Variants in LVRN observed in about 807,000 individuals in gnomAD.
The protein encoded by LVRN is laeverin, also known as aminopeptidase Q.
Under a neutral mutation model 111.4 loss-of-function variants are expected in LVRN, and 99 were observed. That is an observed-to-expected ratio of 0.89 (90% CI 0.76 to 1.05). The LOEUF (loss-of-function observed/expected upper bound fraction) is 1.05. Ranked by LOEUF, LVRN falls within the 50% of genes least tolerant of loss-of-function variation. LVRN has a pLI of 0.00. For synonymous variants in LVRN, 488 were observed against 449.5 expected (o/e 1.09, Z -1.08); for missense variants, 1,414 against 1,206.8 (o/e 1.17, Z -2.54).
At chr5:116,022,133 A>G (rs1748743227) in intron 18 of LVRN, 1 of 314,596 alleles carries the variant, frequency 3.2e-6, no homozygotes, top group East Asian at 7.0e-5. Context: ...CCTCATTTTA[A>G]AAGACAATTG....
In LVRN at chr5:115,983,349, A is replaced by G; in HGVS notation, c.758A>G (p.Glu253Gly). 6.2e-7 allele frequency: 1 copy of G among 1,612,010 alleles called. No individual in the cohort carries two copies. Among genetic ancestry groups the G allele is most frequent in the Non-Finnish European group, 8.5e-7 (1 of 1,179,344 alleles). ...AGGTATGTTTTCCCTTGTTTTGATG[A>G]GCCAGCTCTGAAGGCAACTTTTAAT... ...FARYVFPCFD[E>G]PALKATFNIT... The change falls in exon 2 of 20, where the codon GAG (glutamate) becomes GGG (glycine). Residue 253 changes from glutamate to glycine, a missense_variant. Physicochemically the swap from Glu to Gly is moderately conservative, Grantham distance 98. Transcript: ENST00000357872.
intron 1 of LVRN, chr5:115,974,401 T>A (rs1464735680): frequency 1.3e-5 from 2 of 152,272 alleles, no homozygotes; most frequent in Admixed American, 6.5e-5. Context: ...TAATGCTGAT[T>A]GCAATATAAA....
intron 1 of LVRN, among the ~76,000 whole-genome samples, chr5:115,967,902 A>T (rs1171723082): frequency 1.3e-5 from 2 of 152,220 alleles, no homozygotes; most frequent in Non-Finnish European, 2.9e-5. Flanking sequence ...TTGCTACTAT[A>T]TAGAAATGCT....
intron 6 of LVRN, among the ~76,000 whole-genome samples, chr5:115,998,311 T>C (rs1302502321): frequency 6.6e-6 from 1 of 152,230 alleles, no homozygotes; most frequent in Admixed American, 6.5e-5. Flanking sequence ...TCTTTCAATT[T>C]ATGTTTCTGT....
chr5:116,010,826 T>A lies in LVRN; in HGVS notation c.2179T>A (p.Leu727Met). The change falls in exon 14 of 20, where the codon TTG becomes ATG. Residue 727 changes from leucine to methionine, a missense_variant. Physicochemically the swap from Leu to Met is conservative, Grantham distance 15. Transcript: ENST00000357872. The part of the protein sequence containing the change: ...EDEIIVWHTV[L>M]VNLVTRDLVS... Reference sequence around the variant, plus strand: ...TGAAATTATAGTATGGCATACAGTCTTGGTAAACTTGGTAACCAGGGATCT... The same window carrying A: ...TGAAATTATAGTATGGCATACAGTCATGGTAAACTTGGTAACCAGGGATCT... The A allele has an allele frequency of 6.2e-7, 1 of 1,612,078 alleles. No individual in the cohort carries two copies. The highest frequency in any genetic ancestry group is 8.5e-7 in the Non-Finnish European group (1 of 1,178,932).
At chr5:116,005,412 A>G (rs913140253) in intron 12 of LVRN, among the ~76,000 whole-genome samples, 1 of 152,238 alleles carries the variant, frequency 6.6e-6, no homozygotes, top group Non-Finnish European at 1.5e-5. Context: ...CATTCCATGG[A>G]TGTAAAGGGA....
At chr5:115,973,847 T>A (rs150931101) in intron 1 of LVRN, among the ~76,000 whole-genome samples, 14 of 152,270 alleles carry the variant, frequency 9.2e-5, no homozygotes, top group Admixed American at 5.2e-4. Flanking sequence ...GTCTAACCAG[T>A]TTCTTCAGCT....
At chr5:115,985,822 A>G (rs957407205) in intron 3 of LVRN, among the ~76,000 whole-genome samples, 1 of 152,204 alleles carries the variant, frequency 6.6e-6, no homozygotes, top group African/African-American at 2.4e-5. Flanking sequence ...TTCACTCCCT[A>G]TTATAGCGGG....
In LVRN at chr5:116,017,338, T is replaced by C. The variant is rs1335247113; in HGVS notation, c.2756+1573T>C. Among the ~76,000 whole-genome samples the C allele has an allele frequency of 3.3e-5, 5 of 152,318 alleles. No homozygotes were observed. In the South Asian group the frequency reaches 6.2e-4, roughly 19 times the overall value. Reference sequence around the variant, plus strand: ...GCAGTTTTATTTTGTGTGCTCTTCATTGGTGATGTCTTGTTTCTAACTGGT... The same window carrying C: ...GCAGTTTTATTTTGTGTGCTCTTCACTGGTGATGTCTTGTTTCTAACTGGT... On this transcript the variant is annotated intron_variant, in intron 18 of 19. Coordinates refer to ENST00000357872, the MANE Select transcript of LVRN (RefSeq NM_173800.5).
At chr5:116,003,798 A>T (rs544804465) in intron 12 of LVRN, among the ~76,000 whole-genome samples, 1 of 151,914 alleles carries the variant, frequency 6.6e-6, no homozygotes. Context: ...AGCCAGGATG[A>T]TCTCAATCTC....
At chr5:115,999,614 A>T in intron 6 of LVRN, 148 bp from the exon 7 acceptor site, 1 of 756,476 alleles carries the variant, frequency 1.3e-6, no homozygotes, top group Non-Finnish European at 2.1e-6. Flanking sequence ...TCCTGACTTT[A>T]TTTGGCATAT....
At chr5:115,983,191 C>A in intron 1 of LVRN, 96 bp from the exon 2 acceptor site, 1 of 1,359,518 alleles carries the variant, frequency 7.4e-7, no homozygotes, top group Non-Finnish European at 9.8e-7. Context: ...TCCTCTAACA[C>A]ACCAGGCTAA....
chr5:115,965,960 A>G (rs1233840239), intron 1 of LVRN, among the ~76,000 whole-genome samples: 1 of 152,052 alleles, frequency 6.6e-6, no homozygotes, highest in Non-Finnish European at 1.5e-5. Flanking sequence ...ACTTTTTTCT[A>G]ACTTTTTATT....
intron 14 of LVRN, 94 bp downstream of exon 14, chr5:116,010,988 G>A (rs1580397169): frequency 2.0e-6 from 2 of 1,009,388 alleles, no homozygotes; most frequent in East Asian, 6.2e-5. Flanking sequence ...CTTTTCCAAA[G>A]TAATAGTCTT....
chr5:116,025,989 T>C lies in LVRN; in HGVS notation c.2844T>C (p.Phe948=). ...CTCTGTCCTTCCAGCTGCAGCAGTT[T>C]TTCAGTAACATGTTGGAGGAACACC... ...TDLQIVELQQ[F]FSNMLEEHQR... Residue 948 remains phenylalanine (F), a synonymous_variant, in exon 20 of 20, where the codon TTT becomes TTC. Coordinates refer to ENST00000357872, the MANE Select transcript of LVRN (RefSeq NM_173800.5). 6.2e-7 allele frequency: 1 copy of C among 1,613,824 alleles called. No individual in the cohort carries two copies. Among genetic ancestry groups the C allele is most frequent in the Non-Finnish European group, 8.5e-7 (1 of 1,179,822 alleles).
intron 6 of LVRN, among the ~76,000 whole-genome samples, chr5:115,996,902 G>A (rs1044470390): frequency 6.6e-6 from 1 of 152,128 alleles, no homozygotes; most frequent in East Asian, 1.9e-4. Flanking sequence ...TGTAAAATGG[G>A]TTCTTGCAGT....
intron 12 of LVRN, among the ~76,000 whole-genome samples, chr5:116,004,420 CTG>C (rs1223738355): frequency 6.6e-6 from 1 of 152,198 alleles, no homozygotes; most frequent in East Asian, 1.9e-4. Flanking sequence ...ATTTACAAAA[CTG>C]GAGTGCTGAA....
At chr5:116,022,356 T>C in intron 18 of LVRN, 35 bp from the exon 19 acceptor site, 2 of 1,495,592 alleles carry the variant, frequency 1.3e-6, no homozygotes, top group Non-Finnish European at 1.9e-6. Context: ...TGCAAAATGC[T>C]TTCCACCCTT....
chr5:115,988,049 C>T lies in LVRN; in HGVS notation c.1105+110C>T, dbSNP rs1211233402. The T allele has an allele frequency of 2.8e-6, 4 of 1,427,806 alleles. No individual in the cohort carries two copies. In the Admixed American group the frequency reaches 9.0e-5, roughly 32 times the overall value. The allele number at this position is 1,427,806 out of a possible 1,614,324, so 88.4% of individuals were successfully genotyped here. ...ATAAGGATTCACCATCACCATTTAGCTGCTGGTTTGGAGTTAGCCTCCTGA... is the reference window on the plus strand; with the variant it reads ...ATAAGGATTCACCATCACCATTTAGTTGCTGGTTTGGAGTTAGCCTCCTGA... On this transcript the variant is annotated intron_variant, in intron 4 of 19. Transcript: ENST00000357872.
Sources: allele counts gnomAD v4.1 joint callset (sites outside exome capture counted in the v4.1 genomes callset), GRCh38; gene constraint gnomAD v4.1.1; transcripts MANE v1.5; gene names NCBI Gene and HGNC (gene_info 2026-07-23, HGNC 2026-07-21).